CDC42BPG: variants seen among roughly 807,000 people sequenced by gnomAD.
CDC42BPG encodes the protein CDC42 binding protein kinase gamma.
CDC42BPG carries 157 observed loss-of-function variants against 192.2 expected under a neutral mutation model. The ratio of observed to expected loss-of-function variants is 0.82; its 90% CI spans 0.72 to 0.93. The LOEUF (loss-of-function observed/expected upper bound fraction) is 0.93. Ranked by LOEUF, CDC42BPG falls within the 40% of genes least tolerant of loss-of-function variation. The probability of loss-of-function intolerance (pLI) is 0.00; values close to 1 mark genes in which losing one functional copy is unlikely to be tolerated. For missense variants in CDC42BPG, 1,992 were observed against 2,122.1 expected, an observed-to-expected ratio of 0.94 and a Z score of 1.20; for synonymous variants, 981 against 918.5, an observed-to-expected ratio of 1.07 and a Z score of -1.23.
At position 64,842,994 on chromosome 11, in the gene CDC42BPG, T is replaced by C. The variant is rs139175269; in HGVS notation, c.161-1090A>G. 3.1e-3 allele frequency among the ~76,000 whole-genome samples: 471 copies of C among 152,028 alleles called. 3 individuals carry two copies. The Middle Eastern group carries it at 0.075, about 24-fold the overall frequency. On this transcript the variant is annotated intron_variant, in intron 1 of 36. Transcript: ENST00000342711. Reference sequence around the variant, plus strand: ...ATTCATTGTCTCTTTCCCAGGTCTGTGTGTGGAGCTGGGGAGGAGCAGCCC... The same window carrying C: ...ATTCATTGTCTCTTTCCCAGGTCTGCGTGTGGAGCTGGGGAGGAGCAGCCC...
chr11:64,832,725 C>G lies in CDC42BPG; in HGVS notation c.2884G>C (p.Val962Leu). Residue 962 changes from valine to leucine, a missense_variant, in exon 26 of 37, where the codon GTC (valine) becomes CTC (leucine). By Grantham distance (32) the Val-to-Leu change is conservative. Around this residue, in one of 2 missense-constraint regions of CDC42BPG, gnomAD observed 1,656 missense variants for 1,844.3 expected, o/e 0.90. Transcript: ENST00000342711. ...GFLSVPRPSGVRRGWQRVFAA... is the reference protein window; with the variant it reads ...GFLSVPRPSGLRRGWQRVFAA... ...AACACGCGCTGCCAGCCCCGCCGGA[C>G]ACCTGAGGGCCGCGGCACCTGGCGG... The G allele has an allele frequency of 6.2e-7, 1 of 1,609,428 alleles. No homozygotes were observed. The highest frequency in any genetic ancestry group is 8.5e-7 in the Non-Finnish European group (1 of 1,177,744).
At chr11:64,832,768 G>A in intron 25 of CDC42BPG, 25 bp from the exon 26 acceptor site, 1 of 1,596,202 alleles carries the variant, frequency 6.3e-7, no homozygotes, top group South Asian at 1.1e-5. Flanking sequence ...AGCATGGGAG[G>A]GCTGCAGGGA....
chr11:64,836,022 C>G, intron 13 of CDC42BPG, 95 bp downstream of exon 13: 1 of 1,418,320 alleles, frequency 7.1e-7, no homozygotes, highest in South Asian at 1.4e-5. Flanking sequence ...CAGCTACAAC[C>G]GGGAGGCAGC....
Position 64,841,833 on chromosome 11 carries a change from C to T in CDC42BPG, c.232G>A (p.Gly78Ser), listed in dbSNP as rs369532867. ...CTCACCTCCCCAAAGGCTCCTCGGC[C>T]GATCACCTTCAAGATCTCAAAGTCA... is the stretch of plus-strand genomic sequence containing the variant. ...RDDFEILKVI[G>S]RGAFGEVTVV... Residue 78 changes from glycine to serine, a missense_variant, in exon 2 of 37, where the codon GGC becomes AGC. This residue lies in a region of CDC42BPG where 1,656 missense variants were observed against 1,844.3 expected (regional missense o/e 0.90). Transcript: ENST00000342711. 1.8e-4 allele frequency: 288 copies of T among 1,614,010 alleles called. 2 individuals carry two copies. In the South Asian group the frequency reaches 2.9e-3, roughly 16 times the overall value.
rs1197802285 is a variant in CDC42BPG at position 64,844,587 on chromosome 11, C to T, written c.-18G>A. ...CGCTCCATGGCTGCGGCCGGAGCCT[C>T]GCTGCTCGGCTACAGTCTGGCCGCC... On this transcript the variant is annotated 5_prime_UTR_variant, in exon 1 of 37. Coordinates refer to ENST00000342711, the MANE Select transcript of CDC42BPG (RefSeq NM_017525.3). 6 of 1,257,002 alleles carry T rather than the reference C, an allele frequency of 4.8e-6. No homozygotes were observed. The highest frequency in any genetic ancestry group is 1.0e-6 in the Non-Finnish European group (1 of 1,001,106). The allele number at this position is 1,257,002 out of a possible 1,614,324, so 77.9% of individuals were successfully genotyped here.
Position 64,832,436 on chromosome 11 carries a change from T to C in CDC42BPG, c.3079A>G (p.Ile1027Val). 6.2e-7 allele frequency: 1 copy of C among 1,613,880 alleles called. No homozygotes were observed. Among genetic ancestry groups the C allele is most frequent in the Non-Finnish European group, 8.5e-7 (1 of 1,179,914 alleles). The change falls in exon 27 of 37, where the codon ATC (isoleucine) becomes GTC (valine). Residue 1027 changes from isoleucine to valine, a missense_variant. Ile to Val is a conservative substitution (Grantham distance 29, BLOSUM62 3). This residue lies in a region of CDC42BPG where 1,656 missense variants were observed against 1,844.3 expected (regional missense o/e 0.90). Coordinates refer to ENST00000342711, the MANE Select transcript of CDC42BPG (RefSeq NM_017525.3). Reference protein sequence around the residue: ...IHAQSRDLPRIFRVTTSQLAV... With the variant: ...IHAQSRDLPRVFRVTTSQLAV... Reference sequence around the variant, plus strand: ...TCATCCCAGGCACTCACCCTAAAGATGCGTGGCAGGTCCCTGGATTGGGCA... The same window carrying C: ...TCATCCCAGGCACTCACCCTAAAGACGCGTGGCAGGTCCCTGGATTGGGCA...
At position 64,835,530 on chromosome 11, in the gene CDC42BPG, C is replaced by T. The variant is rs147422193; in HGVS notation, c.1850G>A (p.Arg617Gln). 1.4e-5 allele frequency: 22 copies of T among 1,594,804 alleles called. No homozygotes were observed. The African/African-American group carries it at 1.6e-4, about 12-fold the overall frequency. Residue 617 changes from arginine (R) to glutamine (Q), a missense_variant, in exon 15 of 37, where the codon CGA (arginine) becomes CAA (glutamine). Physicochemically the swap from Arg to Gln is conservative, Grantham distance 43. Transcript: ENST00000342711. Reference protein sequence around the residue: ...AQLRKEVAALREQLEQAHSHR... With the variant: ...AQLRKEVAALQEQLEQAHSHR... ...GCTGTGGGCCTGCTCCAGCTGCTCT[C>T]GCAGGGCGGCCACCTCCTTCCTCAG...
chr11:64,844,164 G>GGT (rs1338699387), intron 1 of CDC42BPG, among the ~76,000 whole-genome samples: 2 of 152,004 alleles, frequency 1.3e-5, no homozygotes, highest in African/African-American at 2.4e-5. Context: ...AGCACAAGTT[G>GGT]GTATGTGTGT....
At chr11:64,842,934 C>T (rs1411721623) in intron 1 of CDC42BPG, among the ~76,000 whole-genome samples, 8 of 152,150 alleles carry the variant, frequency 5.3e-5, no homozygotes, top group Non-Finnish European at 1.0e-4. Flanking sequence ...GGCAGAAGCC[C>T]GCAGCGGGGG....
intron 30 of CDC42BPG, among the ~76,000 whole-genome samples, chr11:64,828,568 G>A (rs999912075): frequency 2.0e-5 from 3 of 152,212 alleles, no homozygotes; most frequent in Non-Finnish European, 4.4e-5. Flanking sequence ...TCTTTGGAGC[G>A]CCTACCAGCT....
Position 64,844,515 on chromosome 11 carries a change from A to AGCCGCCGGCCTCGCCCCGCGCC in CDC42BPG, c.33_54dup (p.Cys19GlyfsTer59). ...TCTAGGAGGCCGTCGAGCCCCGGGCAGCCGCCGGCCTCGCCCCGCGCCAGC... is the reference window on the plus strand; with the variant it reads ...TCTAGGAGGCCGTCGAGCCCCGGGCAGCCGCCGGCCTCGCCCCGCGCCGCCGCCGGCCTCGCCCCGCGCCAGC... On this transcript the variant is annotated frameshift_variant, in exon 1 of 37. Coordinates refer to ENST00000342711, the MANE Select transcript of CDC42BPG (RefSeq NM_017525.3). LOFTEE classifies it high-confidence loss of function. 7 of 1,334,792 alleles carry AGCCGCCGGCCTCGCCCCGCGCC rather than the reference A, an allele frequency of 5.2e-6. No individual in the cohort carries two copies. Among genetic ancestry groups the AGCCGCCGGCCTCGCCCCGCGCC allele is most frequent in the Non-Finnish European group, 6.7e-6 (7 of 1,042,750 alleles). The allele number at this position is 1,334,792 out of a possible 1,614,324, so 82.7% of individuals were successfully genotyped here.
intron 28 of CDC42BPG, chr11:64,830,491 CAG>C: frequency 1.7e-6 from 1 of 594,570 alleles, no homozygotes; most frequent in Non-Finnish European, 3.0e-6. Context: ...TGTCACCTCT[CAG>C]AGCCTTGGTT....
At chr11:64,834,005 T>C (rs1942845241) in intron 20 of CDC42BPG, 28 bp from the exon 21 acceptor site, 22 of 1,613,838 alleles carry the variant, frequency 1.4e-5, no homozygotes, top group Non-Finnish European at 1.8e-5. Context: ...GTCACTGGCC[T>C]GGGGTCCCTG....
intron 5 of CDC42BPG, among the ~76,000 whole-genome samples, 170 bp from the exon 6 acceptor site, chr11:64,839,741 G>C (rs563928059): frequency 6.6e-6 from 1 of 152,126 alleles, no homozygotes; most frequent in Admixed American, 6.5e-5. Context: ...TGATCCCACA[G>C]GCCAGAAGGA....
intron 1 of CDC42BPG, among the ~76,000 whole-genome samples, chr11:64,842,160 G>T (rs562727528): frequency 3.2e-4 from 48 of 152,286 alleles, no homozygotes; most frequent in Non-Finnish European, 5.7e-4. Flanking sequence ...CCAGACTCTA[G>T]GCAGCCTCCA....
intron 36 of CDC42BPG, among the ~76,000 whole-genome samples, chr11:64,825,787 CG>C (rs1400933524): frequency 2.0e-5 from 3 of 152,072 alleles, no homozygotes; most frequent in Non-Finnish European, 4.4e-5. Context: ...CAAGAGTGGC[CG>C]GGCATGGTGG....
Position 64,836,705 on chromosome 11 carries a change from C to CCGGGGGGGGGGG in CDC42BPG, c.1384+33_1384+34insCCCCCCCCCCCG, listed in dbSNP as rs1192864769. The CCGGGGGGGGGGG allele has an allele frequency of 1.1e-3, 378 of 350,970 alleles. 51 individuals carry two copies. The highest frequency in any genetic ancestry group is 1.4e-3 in the South Asian group (41 of 29,876). 21.7% of individuals were successfully genotyped at this position (350,970 alleles called of 1,614,324 possible). On this transcript the variant is annotated intron_variant, in intron 11 of 36. Transcript: ENST00000342711. ...ACCCGAGCCCAGGTGGGACTCAGCC[C>CCGGGGGGGGGGG]TGGGGGGGGGGGGGGGGTGGGCGGA...
Position 64,833,599 on chromosome 11 carries a change from C to A in CDC42BPG, c.2625+1G>T. 2 of 1,608,328 alleles carry A rather than the reference C, an allele frequency of 1.2e-6. No individual in the cohort carries two copies. Among genetic ancestry groups the A allele is most frequent in the Non-Finnish European group, 1.7e-6 (2 of 1,177,856 alleles). ...CCCTGCTTGCCCCTCTGGGCACTGA[C>A]CTTAGCAGGAAGACCTTCTGTAGAG... On this transcript the variant is annotated splice_donor_variant, in intron 23 of 36. Transcript: ENST00000342711. LOFTEE classifies it high-confidence loss of function.
At position 64,835,505 on chromosome 11, in the gene CDC42BPG, G is replaced by A; in HGVS notation, c.1875C>T (p.Ser625=). The change falls in exon 15 of 37, where the codon AGC becomes AGT. Residue 625 remains serine, a synonymous_variant. Coordinates refer to ENST00000342711, the MANE Select transcript of CDC42BPG (RefSeq NM_017525.3). ...ALREQLEQAH[S]HRPSGKEEAL... Reference sequence around the variant, plus strand: ...CCACCAGCTGCCTGGCTCACCTGTGGCTGTGGGCCTGCTCCAGCTGCTCTC... The same window carrying A: ...CCACCAGCTGCCTGGCTCACCTGTGACTGTGGGCCTGCTCCAGCTGCTCTC... The A allele has an allele frequency of 1.9e-6, 3 of 1,602,526 alleles. No individual in the cohort carries two copies. The highest frequency in any genetic ancestry group is 2.5e-6 in the Non-Finnish European group (3 of 1,176,554).
Sources: allele counts gnomAD v4.1 joint callset (sites outside exome capture counted in the v4.1 genomes callset), GRCh38; gene constraint gnomAD v4.1.1; regional missense constraint gnomAD v4.1.1; transcripts MANE v1.5; gene names NCBI Gene and HGNC (gene_info 2026-07-23, HGNC 2026-07-21).